Variants in INTS8 observed in about 807,000 individuals in gnomAD.
The protein encoded by INTS8 is integrator complex subunit 8.
A neutral mutation model predicts 138.9 loss-of-function variants in INTS8; 47 were observed. The observed-to-expected ratio is 0.34, with a 90% CI of 0.27 to 0.43. INTS8 has a LOEUF of 0.43. Ranked by LOEUF, INTS8 falls within the 20% of genes least tolerant of loss-of-function variation. The pLI, the probability that INTS8 is intolerant of heterozygous loss-of-function variation, is 1.00. For synonymous variants in INTS8, 392 were observed against 400.9 expected (o/e 0.98, Z 0.27); for missense variants, 996 against 1,173.0 (o/e 0.85, Z 2.20).
At chr8:94,830,927 A>G (rs978593311) in intron 5 of INTS8, among the ~76,000 whole-genome samples, 7 of 151,792 alleles carry the variant, frequency 4.6e-5, no homozygotes. Context: ...TCTCCCAGGT[A>G]GCTGGGATTA....
intron 7 of INTS8, among the ~76,000 whole-genome samples, chr8:94,837,132 A>G (rs1386688047): frequency 6.6e-6 from 1 of 152,250 alleles, no homozygotes; most frequent in Non-Finnish European, 1.5e-5. Flanking sequence ...CTTTCCAGGT[A>G]CATTTCTCAC....
At chr8:94,865,129 G>A (rs899133138) in intron 16 of INTS8, among the ~76,000 whole-genome samples, 6 of 151,696 alleles carry the variant, frequency 4.0e-5, no homozygotes, top group Non-Finnish European at 7.4e-5. Context: ...TTAACATCTT[G>A]GTGTATGCCT....
chr8:94,865,435 G>T, intron 16 of INTS8, 71 bp from the exon 17 acceptor site: 2 of 1,211,266 alleles, frequency 1.7e-6, no homozygotes, highest in Middle Eastern at 2.0e-4. Context: ...CCTCCAGTGT[G>T]CCTTGATAAT....
chr8:94,842,387 T>A lies in INTS8; in HGVS notation c.1159T>A (p.Cys387Ser), dbSNP rs200548356. Reference sequence around the variant, plus strand: ...TGAAATCTGTTTTAAAGTTTGTGCCTGTAATACAGTCCGTGATATACTGGA... The same window carrying A: ...TGAAATCTGTTTTAAAGTTTGTGCCAGTAATACAGTCCGTGATATACTGGA... ...LDEICFKVCA[C>S]NTVRDILEGR... The change falls in exon 10 of 27, where the codon TGT becomes AGT. Residue 387 changes from cysteine to serine, a missense_variant. Physicochemically the swap from Cys to Ser is moderately radical, Grantham distance 112. Transcript: ENST00000523731. The A allele has an allele frequency of 2.5e-6, 4 of 1,602,892 alleles. No individual in the cohort carries two copies. The African/African-American group carries it at 5.4e-5, about 21-fold the overall frequency.
chr8:94,867,254 ACC>A lies in INTS8; in HGVS notation c.2353-21_2353-20del. ...TAAAAGAAATTTCTTTGTAAATCAC[ACC>A]TTTTTTTTTCTTTTTAAAGGAGGAC... On this transcript the variant is annotated intron_variant, in intron 19 of 26. Transcript: ENST00000523731. The A allele has an allele frequency of 6.3e-7, 1 of 1,599,078 alleles. No individual in the cohort carries two copies. Among genetic ancestry groups the A allele is most frequent in the Non-Finnish European group, 8.5e-7 (1 of 1,172,310 alleles).
In INTS8 at chr8:94,873,366, T is replaced by C; in HGVS notation, c.2534-8T>C. 1 of 1,600,820 alleles carries C rather than the reference T, an allele frequency of 6.2e-7. No homozygotes were observed. The highest frequency in any genetic ancestry group is 1.7e-4 in the Middle Eastern group (1 of 6,024). On this transcript the variant is annotated splice_region_variant and splice_polypyrimidine_tract_variant and intron_variant, in intron 21 of 26. Coordinates refer to ENST00000523731, the MANE Select transcript of INTS8 (RefSeq NM_017864.4). Reference sequence around the variant, plus strand: ...CTCTAATGCTTTATGTCTGTTTTTCTGTTTCAGCAACGAATCAGTATTCAG... The same window carrying C: ...CTCTAATGCTTTATGTCTGTTTTTCCGTTTCAGCAACGAATCAGTATTCAG...
At chr8:94,878,130 T>TAGG (rs1816629420) in intron 26 of INTS8, among the ~76,000 whole-genome samples, 1 of 152,096 alleles carries the variant, frequency 6.6e-6, no homozygotes, top group Non-Finnish European at 1.5e-5. Flanking sequence ...TCCAGAAACT[T>TAGG]ACGTGTTTTA....
chr8:94,852,235 G>A (rs935295430), intron 13 of INTS8, among the ~76,000 whole-genome samples: 1 of 152,108 alleles, frequency 6.6e-6, no homozygotes, highest in Non-Finnish European at 1.5e-5. Context: ...GAGCCACCAC[G>A]TCTGGCTGCA....
At chr8:94,854,274 TA>T (rs1815664733) in intron 14 of INTS8, among the ~76,000 whole-genome samples, 1 of 151,976 alleles carries the variant, frequency 6.6e-6, no homozygotes, top group African/African-American at 2.4e-5. Flanking sequence ...AACCAGAACT[TA>T]CCTTTTCCTA....
chr8:94,879,016 T>C (rs745561119), intron 26 of INTS8, among the ~76,000 whole-genome samples: 17 of 152,212 alleles, frequency 1.1e-4, no homozygotes, highest in Non-Finnish European at 2.5e-4. Flanking sequence ...TAATCCACTC[T>C]CGGTTTTGAT....
chr8:94,853,930 G>T lies in INTS8; in HGVS notation c.1752+15G>T. ...GTACTGTTAAGGTGAGTAAAAGTGT[G>T]TATCAAACACTTGTTAAGAATATGC... On this transcript the variant is annotated intron_variant, in intron 14 of 26. Coordinates refer to ENST00000523731, the MANE Select transcript of INTS8 (RefSeq NM_017864.4). 5.0e-6 allele frequency: 7 copies of T among 1,388,578 alleles called. No homozygotes were observed. Among genetic ancestry groups the T allele is most frequent in the Non-Finnish European group, 6.2e-6 (6 of 974,908 alleles). 86.0% of individuals were successfully genotyped at this position (1,388,578 alleles called of 1,614,324 possible). A position where few individuals can be genotyped will look rare whatever the true frequency, so the allele number is the denominator to read the frequency against.
chr8:94,849,072 C>A (rs952484646), intron 10 of INTS8, among the ~76,000 whole-genome samples: 3 of 151,922 alleles, frequency 2.0e-5, no homozygotes, highest in Non-Finnish European at 2.9e-5. Flanking sequence ...AAATCACTTA[C>A]TCTTTTCAAT....
intron 26 of INTS8, among the ~76,000 whole-genome samples, chr8:94,877,381 T>C (rs1484913358): frequency 6.6e-6 from 1 of 152,192 alleles, no homozygotes; most frequent in Non-Finnish European, 1.5e-5. Flanking sequence ...GAAACAATAA[T>C]AACAGCACTT....
At position 94,881,185 on chromosome 8, in the gene INTS8, T is replaced by C; in HGVS notation, c.*951T>C. ...TTAAATTTAATTTTCAAGAACCAAATTGCACTAGTCAAGAGTGTAGGAATT... is the reference window on the plus strand; with the variant it reads ...TTAAATTTAATTTTCAAGAACCAAACTGCACTAGTCAAGAGTGTAGGAATT... On this transcript the variant is annotated 3_prime_UTR_variant, in exon 27 of 27. Transcript: ENST00000523731. 1 of 382,098 alleles carries C rather than the reference T, an allele frequency of 2.6e-6. No individual in the cohort carries two copies. Among genetic ancestry groups the C allele is most frequent in the Non-Finnish European group, 4.6e-6 (1 of 216,110 alleles). 23.7% of individuals were successfully genotyped at this position (382,098 alleles called of 1,614,324 possible). A position where few individuals can be genotyped will look rare whatever the true frequency, so the allele number is the denominator to read the frequency against.
chr8:94,835,902 T>C (rs1439697535), intron 6 of INTS8, among the ~76,000 whole-genome samples: 2 of 152,194 alleles, frequency 1.3e-5, no homozygotes, highest in Non-Finnish European at 2.9e-5. Context: ...CCAGCCAGGC[T>C]TCTTCTTATA....
chr8:94,881,316 A>AGAT lies in INTS8; in HGVS notation c.*1083_*1085dup. The AGAT allele has an allele frequency of 5.4e-6, 2 of 369,694 alleles. No homozygotes were observed. Among genetic ancestry groups the AGAT allele is most frequent in the Non-Finnish European group, 9.6e-6 (2 of 208,164 alleles). The allele number at this position is 369,694 out of a possible 1,614,324, so 22.9% of individuals were successfully genotyped here. ...CAGTGACAAAATTCCTAGTTTATCA[A>AGAT]GATAAACACAGTAACACTGGATTAA... On this transcript the variant is annotated 3_prime_UTR_variant, in exon 27 of 27. Transcript: ENST00000523731.
At position 94,879,959 on chromosome 8, in the gene INTS8, T is replaced by C. The variant is rs1009042071; in HGVS notation, c.2872-159T>C. On this transcript the variant is annotated intron_variant, in intron 26 of 26. Coordinates refer to ENST00000523731, the MANE Select transcript of INTS8 (RefSeq NM_017864.4). Reference sequence around the variant, plus strand: ...TGAGAGTGGCCCTGGTTAATCTTTATGTTAATTTTTTTCCAAGACTCCTGG... The same window carrying C: ...TGAGAGTGGCCCTGGTTAATCTTTACGTTAATTTTTTTCCAAGACTCCTGG... 12 of 522,216 alleles carry C rather than the reference T, an allele frequency of 2.3e-5. No individual in the cohort carries two copies. In the East Asian group the frequency reaches 4.0e-4, roughly 17 times the overall value. 32.3% of individuals were successfully genotyped at this position (522,216 alleles called of 1,614,324 possible).
chr8:94,841,610 T>G lies in INTS8; in HGVS notation c.1118+19T>G. ...AACAGGGGTAAGTAAGTTGAAAAAT[T>G]ACTTCTTGATTTTTGAATAAAACAG... On this transcript the variant is annotated intron_variant, in intron 9 of 26. Transcript: ENST00000523731. The G allele has an allele frequency of 7.6e-7, 1 of 1,310,586 alleles. No individual in the cohort carries two copies. Among genetic ancestry groups the G allele is most frequent in the South Asian group, 1.3e-5 (1 of 79,200 alleles). 81.2% of individuals were successfully genotyped at this position (1,310,586 alleles called of 1,614,324 possible).
At chr8:94,841,350 TTAGGAAGAAAAGGTTTTCA>T (rs1274523873) in intron 8 of INTS8, 122 bp from the exon 9 acceptor site, 1 of 477,552 alleles carries the variant, frequency 2.1e-6, no homozygotes, top group Non-Finnish European at 3.7e-6. Flanking sequence ...TTTTAGAATT[TTAGGAAGAAAAGGTTTTCA>T]TAGTAAGATA....
Sources: gnomAD v4.1 joint callset for allele counts (sites outside exome capture counted in the v4.1 genomes callset) on GRCh38, gnomAD v4.1.1 for gene constraint, MANE v1.5 for transcripts, NCBI Gene and HGNC (gene_info 2026-07-23, HGNC 2026-07-21) for gene names.